The following UNC5B variants were observed in gnomAD, a reference collection of about 807,000 sequenced individuals.
UNC5B encodes the protein netrin receptor UNC5B.
Under a neutral mutation model 103.7 loss-of-function variants are expected in UNC5B, and 56 were observed. The ratio of observed to expected loss-of-function variants is 0.54; its 90% CI spans 0.44 to 0.67. The LOEUF is 0.67. UNC5B is among the 30% of genes least tolerant of loss of function. UNC5B has a pLI of 0.00. For missense variants in UNC5B, 1,194 were observed against 1,284.5 expected (o/e 0.93, Z 1.08); for synonymous variants, 577 against 542.0 (o/e 1.06, Z -0.90).
At chr10:71,288,513 C>T (rs1845152449) in intron 6 of UNC5B, 55 bp from the exon 7 acceptor site, 1 of 1,575,314 alleles carries the variant, frequency 6.3e-7, no homozygotes, top group African/African-American at 1.3e-5. Context: ...GCACACATAA[C>T]TATGTGTGCA....
intron 1 of UNC5B, among the ~76,000 whole-genome samples, chr10:71,245,079 T>C (rs1292005807): frequency 6.6e-6 from 1 of 152,204 alleles, no homozygotes. Context: ...TAATCCCAAT[T>C]CTATTCACTA....
At chr10:71,288,495 T>C in intron 6 of UNC5B, 73 bp from the exon 7 acceptor site, 1 of 1,539,478 alleles carries the variant, frequency 6.5e-7, no homozygotes, top group Non-Finnish European at 8.8e-7. Context: ...GGCACATTGC[T>C]CTGTTCTGCA....
At chr10:71,237,271 AC>A (rs1843793169) in intron 1 of UNC5B, among the ~76,000 whole-genome samples, 1 of 151,978 alleles carries the variant, frequency 6.6e-6, no homozygotes, top group East Asian at 1.9e-4. Flanking sequence ...TTCAAATACT[AC>A]CCTCCCTGCT....
chr10:71,298,114 A>G, intron 16 of UNC5B, 24 bp downstream of exon 16: 1 of 1,572,800 alleles, frequency 6.4e-7, no homozygotes, highest in South Asian at 1.2e-5. Flanking sequence ...ACCACAGCCC[A>G]TCCCCATCTG....
intron 1 of UNC5B, among the ~76,000 whole-genome samples, chr10:71,276,730 G>A (rs957623333): frequency 8.5e-5 from 13 of 152,326 alleles, no homozygotes; most frequent in African/African-American, 2.9e-4. Context: ...CACTGCGCCC[G>A]GCCTACTCCC....
At chr10:71,294,206 G>C (rs1845350560) in intron 13 of UNC5B, among the ~76,000 whole-genome samples, 1 of 152,232 alleles carries the variant, frequency 6.6e-6, no homozygotes, top group African/African-American at 2.4e-5. Context: ...ACTGGGAGGG[G>C]CTTGGGCTGG....
chr10:71,275,809 T>C (rs1031851800), intron 1 of UNC5B, among the ~76,000 whole-genome samples: 18 of 151,852 alleles, frequency 1.2e-4, no homozygotes, highest in African/African-American at 4.1e-4. Context: ...GACACGGTAA[T>C]ACTAGATAGC....
At chr10:71,215,048 G>A (rs1337746197) in intron 1 of UNC5B, among the ~76,000 whole-genome samples, 6 of 152,256 alleles carry the variant, frequency 3.9e-5, no homozygotes, top group Admixed American at 3.9e-4. Flanking sequence ...CCCAGAATGT[G>A]TGGCCCTTAG....
chr10:71,252,557 A>G (rs1844197839), intron 1 of UNC5B, among the ~76,000 whole-genome samples: 1 of 152,228 alleles, frequency 6.6e-6, no homozygotes, highest in Non-Finnish European at 1.5e-5. Context: ...AACCACTAGC[A>G]GTTTTTCAGC....
intron 1 of UNC5B, among the ~76,000 whole-genome samples, chr10:71,239,972 T>C (rs1190415817): frequency 6.6e-6 from 1 of 152,102 alleles, no homozygotes; most frequent in Non-Finnish European, 1.5e-5. Flanking sequence ...AGGTGCCCAG[T>C]GTGGGGTGCC....
chr10:71,253,548 TG>T (rs1844223745), intron 1 of UNC5B, among the ~76,000 whole-genome samples: 1 of 152,096 alleles, frequency 6.6e-6, no homozygotes, highest in Non-Finnish European at 1.5e-5. Context: ...CTGACCACAG[TG>T]GGGGTGGGGT....
Position 71,213,470 on chromosome 10 carries a change from C to T in UNC5B, c.79+406C>T, listed in dbSNP as rs185986319. On this transcript the variant is annotated intron_variant, in intron 1 of 16. Coordinates refer to ENST00000335350, the MANE Select transcript of UNC5B (RefSeq NM_170744.5). This position sits in a 1 kb window ranked among gnomAD's most constrained non-coding sequence, Gnocchi z 4.1. ...CTCGCTGCCGTACGCCGGTAACTTA[C>T]TAGTCTGGTCCCGGCTCGCCTAGGC... Among the ~76,000 whole-genome samples, 33 of 152,274 alleles carry T rather than the reference C, an allele frequency of 2.2e-4. No individual in the cohort carries two copies. In the East Asian group the frequency reaches 6.0e-3, roughly 28 times the overall value.
intron 1 of UNC5B, among the ~76,000 whole-genome samples, chr10:71,252,041 A>G (rs1429148997): frequency 1.4e-5 from 2 of 140,400 alleles, no homozygotes; most frequent in Non-Finnish European, 3.3e-5. Flanking sequence ...GTTAAAAATA[A>G]GTGTCACATA....
At chr10:71,290,848 A>G in intron 8 of UNC5B, 67 bp from the exon 9 acceptor site, 1 of 1,521,200 alleles carries the variant, frequency 6.6e-7, no homozygotes, top group Non-Finnish European at 8.8e-7. Context: ...CCAGGGACCC[A>G]GGGCCTCCCT....
chr10:71,297,757 C>CA (rs1845478979), intron 15 of UNC5B, 152 bp from the exon 16 acceptor site: 2 of 885,704 alleles, frequency 2.3e-6, no homozygotes, highest in South Asian at 4.1e-5. Flanking sequence ...ACCGACCCTT[C>CA]AAGGGAGAAG....
chr10:71,236,601 C>T (rs1029019584), intron 1 of UNC5B, among the ~76,000 whole-genome samples: 1 of 152,186 alleles, frequency 6.6e-6, no homozygotes, highest in Non-Finnish European at 1.5e-5. Flanking sequence ...GGACCCAGGG[C>T]CCTCCCGCCC....
chr10:71,231,059 T>G (rs933101289), intron 1 of UNC5B, among the ~76,000 whole-genome samples: 1 of 152,218 alleles, frequency 6.6e-6, no homozygotes, highest in East Asian at 1.9e-4. Flanking sequence ...TCTCTGAGCC[T>G]CAGTTTCCCT....
At chr10:71,292,420 G>C in intron 10 of UNC5B, 47 bp from the exon 11 acceptor site, 1 of 1,513,358 alleles carries the variant, frequency 6.6e-7, no homozygotes, top group Non-Finnish European at 9.0e-7. Flanking sequence ...CCAAACACTT[G>C]TTCTCCTAAG....
rs552046075 is a variant in UNC5B, at chr10:71,245,794, G to A, written c.79+32730G>A. On this transcript the variant is annotated intron_variant, in intron 1 of 16. Transcript: ENST00000335350. ...TGTAGGCACTCTGGGTGCTCAGGTG[G>A]GGTGCCACAAGCTGGTGTCCTCCCG... Among the ~76,000 whole-genome samples, 5 of 152,294 alleles carry A rather than the reference G, an allele frequency of 3.3e-5. No homozygotes were observed. The East Asian group carries it at 9.6e-4, about 29-fold the overall frequency.
Sources: allele counts gnomAD v4.1 joint callset (sites outside exome capture counted in the v4.1 genomes callset), GRCh38; gene constraint gnomAD v4.1.1; non-coding constraint Gnocchi (gnomAD v3.1); transcripts MANE v1.5; gene names NCBI Gene and HGNC (gene_info 2026-07-23, HGNC 2026-07-21).